The following GSDMC variants were observed in gnomAD, a reference collection of about 807,000 sequenced individuals.
GSDMC encodes the protein gasdermin-C.
In GSDMC, 59 loss-of-function variants were observed where a neutral mutation model predicts 58.0. The ratio of observed to expected loss-of-function variants is 1.02; its 90% CI spans 0.82 to 1.26. The LOEUF is 1.26. GSDMC is among the 50% of genes most tolerant of loss of function. The pLI, the probability that GSDMC is intolerant of heterozygous loss-of-function variation, is 0.00. For synonymous variants in GSDMC, 241 were observed against 220.2 expected (o/e 1.09, Z -0.83); for missense variants, 659 against 598.5 (o/e 1.10, Z -1.06).
intron 7 of GSDMC, 62 bp downstream of exon 7, chr8:129,752,636 A>G (rs545478416): frequency 1.4e-4 from 229 of 1,588,708 alleles, no homozygotes; most frequent in Non-Finnish European, 1.9e-4. Context: ...AAATTTTAAC[A>G]ACTATCTGCA....
intron 1 of GSDMC, among the ~76,000 whole-genome samples, chr8:129,782,277 A>G (rs568811574): frequency 1.3e-5 from 2 of 152,296 alleles, no homozygotes; most frequent in Admixed American, 1.3e-4. Flanking sequence ...AACTTCAAAT[A>G]AATAACCTAA....
At position 129,776,187 on chromosome 8, in the gene GSDMC, C is replaced by A. The variant is rs1563811969; in HGVS notation, c.319G>T (p.Gly107Trp). Residue 107 changes from glycine (G) to tryptophan (W), a missense_variant, in exon 3 of 14, where the codon GGG becomes TGG. Transcript: ENST00000276708. ...VNVGIEVSVS[G>W]EASVDHGCSL... Reference sequence around the variant, plus strand: ...CATCCATGGTCCACAGAGGCCTCCCCTGACACACTCACTTCTATACCAACA... The same window carrying A: ...CATCCATGGTCCACAGAGGCCTCCCATGACACACTCACTTCTATACCAACA... 5.0e-6 allele frequency: 8 copies of A among 1,613,934 alleles called. No individual in the cohort carries two copies. The highest frequency in any genetic ancestry group is 5.1e-6 in the Non-Finnish European group (6 of 1,179,798).
chr8:129,757,708 A>G (rs2033496506), intron 6 of GSDMC, among the ~76,000 whole-genome samples: 1 of 152,200 alleles, frequency 6.6e-6, no homozygotes, highest in East Asian at 1.9e-4. Context: ...AAGGTCATTT[A>G]CAGCCAGGTG....
chr8:129,732,610 C>T, the GSDMC span, among the ~76,000 whole-genome samples: 1 of 152,186 alleles, frequency 6.6e-6, no homozygotes, highest in Non-Finnish European at 1.5e-5. Flanking sequence ...ATAAAGAATT[C>T]AGAGTATGGA....
At chr8:129,769,132 C>G (rs572613758) in intron 3 of GSDMC, among the ~76,000 whole-genome samples, 77 of 145,456 alleles carry the variant, frequency 5.3e-4, no homozygotes, top group African/African-American at 1.8e-3. Context: ...AATGGAAACT[C>G]CCAAATTTTG....
At chr8:129,770,228 C>A (rs915453037) in intron 3 of GSDMC, among the ~76,000 whole-genome samples, 1 of 152,162 alleles carries the variant, frequency 6.6e-6, no homozygotes, top group Non-Finnish European at 1.5e-5. Context: ...ATATTATAGA[C>A]TCATGCCTAT....
the GSDMC span, among the ~76,000 whole-genome samples, chr8:129,739,366 TA>T: frequency 6.6e-6 from 1 of 152,250 alleles, no homozygotes; most frequent in East Asian, 1.9e-4. Context: ...GGGAAATTAT[TA>T]GAGCATTTTG....
At chr8:129,782,916 A>G (rs2034455823) in intron 1 of GSDMC, among the ~76,000 whole-genome samples, 1 of 152,054 alleles carries the variant, frequency 6.6e-6, no homozygotes, top group East Asian at 1.9e-4. Context: ...AAAAAAAACT[A>G]CAAGCCAATA....
downstream of GSDMC, among the ~76,000 whole-genome samples, chr8:129,745,368 C>A (rs976705780): frequency 1.3e-5 from 2 of 152,100 alleles, no homozygotes; most frequent in African/African-American, 4.8e-5. Context: ...CAGTAGGGTT[C>A]CCTAGGGATT....
intron 3 of GSDMC, among the ~76,000 whole-genome samples, chr8:129,774,269 C>T (rs1301720362): frequency 6.6e-6 from 1 of 152,096 alleles, no homozygotes; most frequent in Non-Finnish European, 1.5e-5. Flanking sequence ...CAACTAATAT[C>T]TGACAAGCGT....
At chr8:129,746,843 G>C (rs58099650), downstream of GSDMC, among the ~76,000 whole-genome samples, 9,275 of 152,210 alleles carry the variant, frequency 0.061, 511 homozygotes, top group East Asian at 0.25. Context: ...ACAAAGGCAA[G>C]AGGCAAAGTT....
the GSDMC span, among the ~76,000 whole-genome samples, chr8:129,710,925 G>A: frequency 3.9e-5 from 6 of 152,300 alleles, no homozygotes; most frequent in Admixed American, 2.6e-4. Flanking sequence ...TGCAGGCAGA[G>A]GGAAAATCTG....
chr8:129,743,619 A>G (rs1359940510), downstream of GSDMC, among the ~76,000 whole-genome samples: 1 of 152,198 alleles, frequency 6.6e-6, no homozygotes, highest in Non-Finnish European at 1.5e-5. Flanking sequence ...TCCCATGTGT[A>G]GTAATACTGG....
At chr8:129,764,984 G>A (rs752579561) in intron 4 of GSDMC, among the ~76,000 whole-genome samples, 11 of 152,004 alleles carry the variant, frequency 7.2e-5, no homozygotes, top group African/African-American at 1.2e-4. Context: ...TACACATATC[G>A]GGTTTCTTCT....
the GSDMC span, among the ~76,000 whole-genome samples, chr8:129,705,935 G>C: frequency 1.3e-5 from 2 of 152,150 alleles, no homozygotes; most frequent in African/African-American, 2.4e-5. Flanking sequence ...GTTCTACTTG[G>C]TTGAAAAGTC....
chr8:129,707,870 G>A, the GSDMC span, among the ~76,000 whole-genome samples: 2 of 152,200 alleles, frequency 1.3e-5, no homozygotes, highest in Admixed American at 1.3e-4. Flanking sequence ...AGAATTCTTT[G>A]GTGGTTCATG....
At position 129,750,035 on chromosome 8, in the gene GSDMC, A is replaced by G; in HGVS notation, c.1168T>C (p.Phe390Leu). Residue 390 changes from phenylalanine to leucine, a missense_variant, in exon 12 of 14, where the codon TTT becomes CTT. Coordinates refer to ENST00000276708, the MANE Select transcript of GSDMC (RefSeq NM_031415.3). ...TAAAGAATGGGGTCCTTTGGGTTAA[A>G]CCATGCATGGTTTGAATCCTGTTGA... ...KLQQDSNHAW[F>L]NPKDPILYLL... The G allele has an allele frequency of 6.2e-7, 1 of 1,611,298 alleles. No homozygotes were observed. The highest frequency in any genetic ancestry group is 2.2e-5 in the East Asian group (1 of 44,820).
At chr8:129,779,438 C>A (rs1255463328) in intron 1 of GSDMC, among the ~76,000 whole-genome samples, 1 of 152,050 alleles carries the variant, frequency 6.6e-6, no homozygotes, top group Non-Finnish European at 1.5e-5. Context: ...CCAACACACA[C>A]TGGGGCCTAC....
intron 6 of GSDMC, 46 bp from the exon 7 acceptor site, chr8:129,752,866 A>G (rs1304293941): frequency 1.2e-6 from 2 of 1,612,828 alleles, no homozygotes; most frequent in African/African-American, 2.7e-5. Context: ...TTTACATTGA[A>G]CTCAGTACTG....
Sources: gnomAD v4.1 joint callset for allele counts (sites outside exome capture counted in the v4.1 genomes callset) on GRCh38, gnomAD v4.1.1 for gene constraint, MANE v1.5 for transcripts, NCBI Gene and HGNC (gene_info 2026-07-23, HGNC 2026-07-21) for gene names.